The following LYRM7 variants were observed in gnomAD, a reference collection of about 807,000 sequenced individuals.
LYRM7 encodes LYR motif containing 7.
Under a neutral mutation model 15.8 loss-of-function variants are expected in LYRM7, and 9 were observed. That is an observed-to-expected ratio of 0.57 (90% CI 0.34 to 0.99). LYRM7 has a LOEUF of 0.99. LYRM7 is among the 50% of genes least tolerant of loss of function. The pLI is 0.02. For synonymous variants in LYRM7, 39 were observed against 39.4 expected (o/e 0.99, Z 0.04); for missense variants, 115 against 119.1 (o/e 0.97, Z 0.16).
intron 2 of LYRM7, 115 bp downstream of exon 2, chr5:131,180,282 C>G: frequency 1.7e-6 from 1 of 599,146 alleles, no homozygotes; most frequent in Admixed American, 3.0e-5. Context: ...CACTACCTCT[C>G]TCTGATATCT....
chr5:131,179,474 T>TTTTTTTTTTTTTTTC (rs1755656398), intron 1 of LYRM7, among the ~76,000 whole-genome samples: 90 of 23,478 alleles, frequency 3.8e-3, no homozygotes, highest in Non-Finnish European at 0.012. Context: ...TTTTTTTTTC[T>TTTTTTTTTTTTTTTC]TTTTTTTTTT....
intron 4 of LYRM7, among the ~76,000 whole-genome samples, chr5:131,192,782 T>C (rs1580699453): frequency 6.6e-6 from 1 of 152,218 alleles, no homozygotes; most frequent in African/African-American, 2.4e-5. Flanking sequence ...ATATCATTCA[T>C]CATTGGTCTA....
intron 4 of LYRM7, among the ~76,000 whole-genome samples, chr5:131,189,758 T>C (rs1755856200): frequency 6.6e-6 from 1 of 152,204 alleles, no homozygotes; most frequent in African/African-American, 2.4e-5. Context: ...TTTACAGCCT[T>C]ATAATAGATC....
At chr5:131,189,884 G>A (rs940000281) in intron 4 of LYRM7, among the ~76,000 whole-genome samples, 29 of 152,280 alleles carry the variant, frequency 1.9e-4, no homozygotes, top group African/African-American at 6.7e-4. Context: ...TGTAATCCCA[G>A]CACTTTGGGA....
intron 3 of LYRM7, among the ~76,000 whole-genome samples, chr5:131,185,392 G>A (rs936985174): frequency 6.6e-6 from 1 of 152,078 alleles, no homozygotes; most frequent in Non-Finnish European, 1.5e-5. Context: ...GGGTTTTTAT[G>A]CTGTTGCCTC....
Position 131,205,329 on chromosome 5 carries a change from CA to C in LYRM7, c.*5729del, listed in dbSNP as rs1387405678. 1 of 152,202 alleles carries C rather than the reference CA, an allele frequency of 6.6e-6. No homozygotes were observed. The highest frequency in any genetic ancestry group is 1.5e-5 in the Non-Finnish European group (1 of 68,030). 9.4% of individuals were successfully genotyped at this position (152,202 alleles called of 1,614,324 possible). On this transcript the variant is annotated 3_prime_UTR_variant, in exon 5 of 5. Coordinates refer to ENST00000379380, the MANE Select transcript of LYRM7 (RefSeq NM_181705.4). ...ATGTATTCTGCAACTTTTCATCATACATTAGGTTTTGGCGATTTAGCCATAA... is the reference window on the plus strand; with the variant it reads ...ATGTATTCTGCAACTTTTCATCATACTTAGGTTTTGGCGATTTAGCCATAA...
chr5:131,189,592 A>G (rs1190931802), intron 4 of LYRM7, among the ~76,000 whole-genome samples: 1 of 152,032 alleles, frequency 6.6e-6, no homozygotes, highest in Non-Finnish European at 1.5e-5. Flanking sequence ...TTGATCCAGC[A>G]ACACTTATTG....
chr5:131,177,971 T>C (rs1755627792), intron 1 of LYRM7, among the ~76,000 whole-genome samples: 1 of 152,224 alleles, frequency 6.6e-6, no homozygotes, highest in South Asian at 2.1e-4. Context: ...TTCACCTGTT[T>C]GATAGCCAAG....
chr5:131,188,169 A>G (rs1403079321), intron 4 of LYRM7, among the ~76,000 whole-genome samples: 1 of 152,044 alleles, frequency 6.6e-6, no homozygotes, highest in Non-Finnish European at 1.5e-5. Context: ...AGGTGGGAGG[A>G]TCACTTCAGC....
intron 2 of LYRM7, among the ~76,000 whole-genome samples, chr5:131,181,352 T>C (rs1354796418): frequency 4.9e-5 from 2 of 40,618 alleles, no homozygotes; most frequent in East Asian, 9.3e-4. Context: ...ATATATGTTA[T>C]ATATATATTA....
At chr5:131,179,450 CTTTTCT>C (rs1218391500) in intron 1 of LYRM7, among the ~76,000 whole-genome samples, 1 of 110,660 alleles carries the variant, frequency 9.0e-6, no homozygotes, top group East Asian at 2.6e-4. Context: ...TTTTCTTTTT[CTTTTCT>C]TTTTTTTTTT....
In LYRM7 at chr5:131,202,769, A is replaced by T. The variant is rs1236848422; in HGVS notation, c.*3168A>T. 2.0e-5 allele frequency: 3 copies of T among 152,292 alleles called. No individual in the cohort carries two copies. The highest frequency in any genetic ancestry group is 4.1e-4 in the South Asian group (2 of 4,830). 9.4% of individuals were successfully genotyped at this position (152,292 alleles called of 1,614,324 possible). ...ATATAATTTTGCTTTGACTATTGAG[A>T]TCTAGTGAAAGTGGGGTATATGAAT... On this transcript the variant is annotated 3_prime_UTR_variant, in exon 5 of 5. Transcript: ENST00000379380.
chr5:131,185,512 C>A (rs1755784103), intron 3 of LYRM7, among the ~76,000 whole-genome samples: 1 of 152,230 alleles, frequency 6.6e-6, no homozygotes, highest in Non-Finnish European at 1.5e-5. Context: ...GATTTTGTAA[C>A]ATCACGCAGT....
Position 131,170,995 on chromosome 5 carries a change from A to T in LYRM7, c.-26A>T, listed in dbSNP as rs769633365. Reference sequence around the variant, plus strand: ...AGGCGGGGCTACTCGACTGCTCTGGAGGTAGCGGCCGCGGTGAGGAGAGCC... The same window carrying T: ...AGGCGGGGCTACTCGACTGCTCTGGTGGTAGCGGCCGCGGTGAGGAGAGCC... On this transcript the variant is annotated 5_prime_UTR_variant, in exon 1 of 5. Transcript: ENST00000379380. 4 of 1,540,764 alleles carry T rather than the reference A, an allele frequency of 2.6e-6. No homozygotes were observed. The highest frequency in any genetic ancestry group is 3.5e-6 in the Non-Finnish European group (4 of 1,149,136).
chr5:131,173,461 G>A (rs1755553113), intron 1 of LYRM7, among the ~76,000 whole-genome samples: 1 of 152,208 alleles, frequency 6.6e-6, no homozygotes, highest in Admixed American at 6.5e-5. Context: ...AAGTACATAT[G>A]TTGGCTGGGA....
intron 4 of LYRM7, among the ~76,000 whole-genome samples, chr5:131,192,852 T>G (rs779175144): frequency 5.4e-4 from 82 of 152,334 alleles, no homozygotes; most frequent in Middle Eastern, 3.4e-3. Context: ...CTATACTTGC[T>G]GTTTTATTAT....
At chr5:131,197,159 T>C (rs1047555658) in intron 4 of LYRM7, among the ~76,000 whole-genome samples, 8 of 152,254 alleles carry the variant, frequency 5.3e-5, no homozygotes, top group Admixed American at 4.6e-4. Context: ...TTTATCTAGC[T>C]ATCTTTTCCA....
Position 131,203,828 on chromosome 5 carries a change from T to C in LYRM7, c.*4227T>C, listed in dbSNP as rs1756120012. 1 of 152,368 alleles carries C rather than the reference T, an allele frequency of 6.6e-6. No individual in the cohort carries two copies. Among genetic ancestry groups the C allele is most frequent in the Admixed American group, 6.5e-5 (1 of 15,276 alleles). The allele number at this position is 152,368 out of a possible 1,614,324, so 9.4% of individuals were successfully genotyped here. A position where few individuals can be genotyped will look rare whatever the true frequency, so the allele number is the denominator to read the frequency against. On this transcript the variant is annotated 3_prime_UTR_variant, in exon 5 of 5. Transcript: ENST00000379380. ...AAGTTATTTGCCACCTATGTCATGATTGAAATAGTTAATTGATCCTGTGAA... is the reference window on the plus strand; with the variant it reads ...AAGTTATTTGCCACCTATGTCATGACTGAAATAGTTAATTGATCCTGTGAA...
chr5:131,183,587 A>G (rs994773963), intron 3 of LYRM7, among the ~76,000 whole-genome samples: 3 of 152,224 alleles, frequency 2.0e-5, no homozygotes, highest in African/African-American at 7.2e-5. Context: ...TTTGTTATAT[A>G]CAAATGTATA....
Sources: gnomAD v4.1 joint callset for allele counts (sites outside exome capture counted in the v4.1 genomes callset) on GRCh38, gnomAD v4.1.1 for gene constraint, MANE v1.5 for transcripts, NCBI Gene and HGNC (gene_info 2026-07-23, HGNC 2026-07-21) for gene names.